The following ZNF606 variants were observed in gnomAD, a reference collection of about 807,000 sequenced individuals.
ZNF606 encodes zinc finger protein 328.
In ZNF606, 37 loss-of-function variants were observed where a neutral mutation model predicts 74.9. The ratio of observed to expected loss-of-function variants is 0.49; its 90% confidence interval spans 0.38 to 0.65. The LOEUF is 0.65. ZNF606 is among the 30% of genes least tolerant of loss of function. The pLI, the probability that ZNF606 is intolerant of heterozygous loss-of-function variation, is 0.00. For missense variants in ZNF606, 852 were observed against 952.9 expected (o/e 0.89, Z 1.39); for synonymous variants, 328 against 312.4 (o/e 1.05, Z -0.53).
rs533746549 is a variant in ZNF606 at position 57,978,060 on chromosome 19, G to A, written c.*241C>T. 14 of 357,306 alleles carry A rather than the reference G, an allele frequency of 3.9e-5. No homozygotes were observed. In the Middle Eastern group the frequency reaches 2.4e-3, roughly 61 times the overall value. The allele number at this position is 357,306 out of a possible 1,614,324, so 22.1% of individuals were successfully genotyped here. ...AGTATGAATTACTGGTAGACCATAA[G>A]GGGAGTTTAGAGTTTCCTTCATTGT... On this transcript the variant is annotated 3_prime_UTR_variant, in exon 7 of 7. Coordinates refer to ENST00000551380, the MANE Select transcript of ZNF606 (RefSeq NM_001348022.3). This position sits in a 1 kb window ranked among gnomAD's most constrained non-coding sequence, Gnocchi z 4.4.
upstream of ZNF606, chr19:58,003,034 C>A: frequency 2.3e-6 from 1 of 429,864 alleles, no homozygotes; most frequent in Non-Finnish European, 4.7e-6. Flanking sequence ...CCTCCCACTG[C>A]AAAAAGGCCT....
intron 1 of ZNF606, 137 bp from the exon 2 acceptor site, chr19:58,001,507 A>AG (rs1452968695): frequency 1.5e-6 from 1 of 657,348 alleles, no homozygotes; most frequent in Non-Finnish European, 2.7e-6. Context: ...TTTACATGTC[A>AG]AAAAAGTAAC....
At chr19:57,992,716 A>G (rs990600548) in intron 4 of ZNF606, among the ~76,000 whole-genome samples, 1 of 152,268 alleles carries the variant, frequency 6.6e-6, no homozygotes, top group Admixed American at 6.5e-5. Flanking sequence ...TCTCTTAGAT[A>G]CACAGAAACA....
At chr19:57,996,702 G>C (rs1433111613) in intron 4 of ZNF606, among the ~76,000 whole-genome samples, 1 of 152,166 alleles carries the variant, frequency 6.6e-6, no homozygotes, top group Non-Finnish European at 1.5e-5. Context: ...GATGCTAAGG[G>C]GAAAGGGTGC....
Position 57,978,264 on chromosome 19 carries a change from T to C in ZNF606, c.*37A>G. ...TGTTTATAGGGTTTTCCTCAATGTG[T>C]TGTCAAATGTACAAGAAACGAAAAA... On this transcript the variant is annotated 3_prime_UTR_variant, in exon 7 of 7. Coordinates refer to ENST00000551380, the MANE Select transcript of ZNF606 (RefSeq NM_001348022.3). This position sits in a 1 kb window ranked among gnomAD's most constrained non-coding sequence, Gnocchi z 4.4. The C allele has an allele frequency of 1.3e-6, 2 of 1,520,728 alleles. No homozygotes were observed. The highest frequency in any genetic ancestry group is 1.3e-5 in the South Asian group (1 of 74,510). 94.2% of individuals were successfully genotyped at this position (1,520,728 alleles called of 1,614,324 possible). A position where few individuals can be genotyped will look rare whatever the true frequency, so the allele number is the denominator to read the frequency against.
chr19:57,997,627 TTC>T (rs1348978659), intron 4 of ZNF606: 17 of 152,354 alleles, frequency 1.1e-4, no homozygotes, highest in East Asian at 9.6e-4. Context: ...TTATTTTTAA[TTC>T]TGTTTTATTT....
chr19:57,999,656 A>C (rs1330198554), intron 4 of ZNF606, 152 bp downstream of exon 4: 1 of 740,222 alleles, frequency 1.4e-6, no homozygotes, highest in African/African-American at 1.7e-5. Flanking sequence ...AAACGGCCTA[A>C]TTCTCCCTAC....
chr19:57,983,247 G>A (rs1451179065), intron 6 of ZNF606, among the ~76,000 whole-genome samples: 1 of 152,124 alleles, frequency 6.6e-6, no homozygotes, highest in Non-Finnish European at 1.5e-5. Flanking sequence ...TATGTGAAGA[G>A]AGATCCTACC....
At chr19:57,993,872 G>A (rs16988345) in intron 4 of ZNF606, among the ~76,000 whole-genome samples, 12,673 of 152,160 alleles carry the variant, frequency 0.083, 689 homozygotes, top group East Asian at 0.26. Flanking sequence ...AGCACAGAGC[G>A]GAGTGGAAGG....
chr19:58,002,068 A>T (rs2073440164), intron 1 of ZNF606: 1 of 422,776 alleles, frequency 2.4e-6, no homozygotes, highest in African/African-American at 2.0e-5. Context: ...ACTAGAACAC[A>T]CAGTGGGCCT....
At chr19:58,000,641 C>T (rs1340983954) in intron 3 of ZNF606, 42 bp downstream of exon 3, 3 of 1,610,286 alleles carry the variant, frequency 1.9e-6, no homozygotes, top group Non-Finnish European at 2.5e-6. Context: ...CAGCCAGAGG[C>T]CACAATATGG....
intron 2 of ZNF606, 116 bp from the exon 3 acceptor site, chr19:58,000,855 A>G (rs899278981): frequency 2.1e-6 from 2 of 974,618 alleles, no homozygotes; most frequent in Non-Finnish European, 3.0e-6. Flanking sequence ...AACAGAGCCC[A>G]AGGGTGTGTA....
In ZNF606 at chr19:58,002,561, G is replaced by C. The variant is rs943062127; in HGVS notation, c.-217C>G. 1.2e-5 allele frequency: 5 copies of C among 430,300 alleles called. No homozygotes were observed. The highest frequency in any genetic ancestry group is 8.2e-5 in the African/African-American group (4 of 49,074). The allele number at this position is 430,300 out of a possible 1,614,324, so 26.7% of individuals were successfully genotyped here. Reference sequence around the variant, plus strand: ...AGGCCCGCGGAGCCGACGTGCAGCAGAGTTCACCCAGGCCCGTCCGACCAG... The same window carrying C: ...AGGCCCGCGGAGCCGACGTGCAGCACAGTTCACCCAGGCCCGTCCGACCAG... On this transcript the variant is annotated 5_prime_UTR_variant, in exon 1 of 7. Coordinates refer to ENST00000551380, the MANE Select transcript of ZNF606 (RefSeq NM_001348022.3).
chr19:57,989,128 G>C (rs112294702), intron 4 of ZNF606, among the ~76,000 whole-genome samples: 1 of 152,072 alleles, frequency 6.6e-6, no homozygotes, highest in Non-Finnish European at 1.5e-5. Flanking sequence ...TCTTTGCTCC[G>C]ACACCCAGAT....
In ZNF606 at chr19:58,002,452, C is replaced by T. The variant is rs1481313444; in HGVS notation, c.-108G>A. On this transcript the variant is annotated 5_prime_UTR_variant, in exon 1 of 7. Transcript: ENST00000551380. ...CGGCGCAGCAGGATCGGGGTCTGCC[C>T]GCCTGGGGCGTTTGGCTTTTGTCCC... The T allele has an allele frequency of 8.8e-6, 4 of 454,978 alleles. No homozygotes were observed. Among genetic ancestry groups the T allele is most frequent in the Non-Finnish European group, 1.3e-5 (3 of 226,078 alleles). 28.2% of individuals were successfully genotyped at this position (454,978 alleles called of 1,614,324 possible). A position where few individuals can be genotyped will look rare whatever the true frequency, so the allele number is the denominator to read the frequency against.
chr19:58,000,371 A>G (rs1024961703), intron 3 of ZNF606: 15 of 540,378 alleles, frequency 2.8e-5, no homozygotes, highest in African/African-American at 2.7e-4. Flanking sequence ...ACAGGCGCCC[A>G]CCACCACGCC....
At chr19:58,000,838 T>C in intron 2 of ZNF606, 99 bp from the exon 3 acceptor site, 5 of 1,192,336 alleles carry the variant, frequency 4.2e-6, no homozygotes, top group Non-Finnish European at 5.8e-6. Context: ...CACTACAAAA[T>C]TCCATAAACA....
At chr19:58,000,471 C>T (rs775234480) in intron 3 of ZNF606, 9 of 641,992 alleles carry the variant, frequency 1.4e-5, no homozygotes, top group South Asian at 8.6e-5. Flanking sequence ...GTGATCCACT[C>T]GCCTCGGCCT....
rs535021908 is a variant in ZNF606 at position 57,977,562 on chromosome 19, G to C, written c.*739C>G. ...TCCATAATTATAATTTATAGTGATT[G>C]CCTAAAACAAATTACAAACTAATTG... On this transcript the variant is annotated 3_prime_UTR_variant, in exon 7 of 7. Transcript: ENST00000551380. 6.6e-6 allele frequency: 1 copy of C among 152,034 alleles called. No individual in the cohort carries two copies. Among genetic ancestry groups the C allele is most frequent in the Non-Finnish European group, 1.5e-5 (1 of 68,002 alleles). The allele number at this position is 152,034 out of a possible 1,614,324, so 9.4% of individuals were successfully genotyped here.
Sources: allele counts gnomAD v4.1 joint callset (sites outside exome capture counted in the v4.1 genomes callset), GRCh38; gene constraint gnomAD v4.1.1; non-coding constraint Gnocchi (gnomAD v3.1); transcripts MANE v1.5; gene names NCBI Gene and HGNC (gene_info 2026-07-23, HGNC 2026-07-21).